Variants in SCML4 observed in about 807,000 individuals in gnomAD.
The protein encoded by SCML4 is sex comb on midleg-like protein 4.
In SCML4, 34 loss-of-function variants were observed where a neutral mutation model predicts 41.1. That is an observed-to-expected ratio of 0.83 (90% CI 0.63 to 1.10). The LOEUF is 1.10. Among genes scored for constraint, SCML4 ranks in the 50% least tolerant of loss-of-function variants. The pLI is 0.00. For missense variants in SCML4, 522 were observed against 534.1 expected (o/e 0.98, Z 0.22); for synonymous variants, 214 against 220.9 (o/e 0.97, Z 0.28).
intron 1 of SCML4, among the ~76,000 whole-genome samples, chr6:107,813,198 C>A (rs1044641048): frequency 1.5e-4 from 22 of 150,056 alleles, no homozygotes; most frequent in African/African-American, 4.9e-4. Context: ...CCCGTCTCTA[C>A]CAAAAATACA....
At chr6:107,767,749 G>A (rs765845170) in intron 2 of SCML4, among the ~76,000 whole-genome samples, 17 of 152,138 alleles carry the variant, frequency 1.1e-4, no homozygotes, top group Non-Finnish European at 2.5e-4. Context: ...CCAGCACTGC[G>A]TTTCCTAGCT....
intron 6 of SCML4, chr6:107,720,080 G>GT: frequency 1.0e-6 from 1 of 985,438 alleles, no homozygotes; most frequent in South Asian, 4.7e-5. Context: ...CTCTGCTCAT[G>GT]TATTTGTATC....
intron 2 of SCML4, among the ~76,000 whole-genome samples, chr6:107,756,687 G>C (rs1228110372): frequency 6.6e-6 from 1 of 152,140 alleles, no homozygotes; most frequent in African/African-American, 2.4e-5. Flanking sequence ...TGTTAAAAAT[G>C]GGGGGAAATC....
chr6:107,845,374 G>C, the SCML4 span, among the ~76,000 whole-genome samples: 3 of 152,226 alleles, frequency 2.0e-5, no homozygotes, highest in African/African-American at 7.2e-5. Flanking sequence ...AACATCACTG[G>C]AGCCTAGAGA....
At chr6:107,820,221 A>T (rs1784845401) in intron 1 of SCML4, among the ~76,000 whole-genome samples, 1 of 152,192 alleles carries the variant, frequency 6.6e-6, no homozygotes, top group Admixed American at 6.5e-5. Flanking sequence ...CAGCAATGCT[A>T]ACATTTGAAA....
chr6:107,727,434 A>C (rs1480993602), intron 5 of SCML4, among the ~76,000 whole-genome samples: 1 of 152,170 alleles, frequency 6.6e-6, no homozygotes, highest in Non-Finnish European at 1.5e-5. Flanking sequence ...TTTTTTTTAA[A>C]AGGCGTTTGC....
chr6:107,767,912 A>G (rs949313726), intron 2 of SCML4, among the ~76,000 whole-genome samples: 1 of 152,096 alleles, frequency 6.6e-6, no homozygotes, highest in African/African-American at 2.4e-5. Context: ...AAACAGTGGG[A>G]CAGTGGGACC....
At chr6:107,737,256 GGGATACCTTCTTC>G (rs1241138911) in intron 5 of SCML4, among the ~76,000 whole-genome samples, 1 of 152,184 alleles carries the variant, frequency 6.6e-6, no homozygotes, top group Non-Finnish European at 1.5e-5. Context: ...GGAGAACAGA[GGGATACCTTCTTC>G]GGATTGGGGA....
intron 6 of SCML4, among the ~76,000 whole-genome samples, chr6:107,717,547 T>G (rs949759571): frequency 1.3e-5 from 2 of 152,054 alleles, no homozygotes; most frequent in Non-Finnish European, 2.9e-5. Flanking sequence ...TAATATTTAT[T>G]TTTATTTATT....
rs1778117774 is a variant in SCML4, at chr6:107,746,625, T to C, written c.487+64A>G. The C allele has an allele frequency of 5.5e-6, 8 of 1,451,274 alleles. No homozygotes were observed. In the Admixed American group the frequency reaches 1.4e-4, roughly 25 times the overall value. The allele number at this position is 1,451,274 out of a possible 1,614,324, so 89.9% of individuals were successfully genotyped here. ...CACACCTGCTGTCTCCAGGCCTGAG[T>C]ATGGCTGCTTCCTCTGCAGAGAGAC... On this transcript the variant is annotated intron_variant, in intron 4 of 7. Transcript: ENST00000369020.
intron 1 of SCML4, among the ~76,000 whole-genome samples, chr6:107,823,517 T>C (rs1785098438): frequency 6.6e-6 from 1 of 152,160 alleles, no homozygotes; most frequent in South Asian, 2.1e-4. Context: ...AAAAAACGAA[T>C]TAAAACCAGA....
chr6:107,785,108 G>C (rs73525439), intron 1 of SCML4, among the ~76,000 whole-genome samples: 2,210 of 152,290 alleles, frequency 0.015, 51 homozygotes, highest in African/African-American at 0.051. Context: ...TGACAGACAC[G>C]CCTGGTTTAT....
At chr6:107,740,623 A>G (rs979571017) in intron 5 of SCML4, among the ~76,000 whole-genome samples, 1 of 152,250 alleles carries the variant, frequency 6.6e-6, no homozygotes, top group Admixed American at 6.5e-5. Flanking sequence ...GATCCTTTCC[A>G]CAGGGCAGTC....
At chr6:107,839,356 A>AGAAAGAAG in the SCML4 span, among the ~76,000 whole-genome samples, 4 of 88,288 alleles carry the variant, frequency 4.5e-5, no homozygotes, top group African/African-American at 1.8e-4. Context: ...AAAGAAAGAA[A>AGAAAGAAG]GAAAGAAAGA....
intron 5 of SCML4, among the ~76,000 whole-genome samples, chr6:107,729,320 T>C (rs1776303562): frequency 6.6e-6 from 1 of 152,176 alleles, no homozygotes; most frequent in South Asian, 2.1e-4. Context: ...CCAACAATCT[T>C]TGGAGTTCCT....
intron 1 of SCML4, among the ~76,000 whole-genome samples, chr6:107,803,098 T>C (rs868460018): frequency 4.5e-4 from 68 of 151,612 alleles, no homozygotes; most frequent in South Asian, 1.3e-3. Context: ...TCGCTACAAC[T>C]TCCACCTCCC....
At chr6:107,782,516 G>A (rs897485618) in intron 1 of SCML4, among the ~76,000 whole-genome samples, 1 of 152,254 alleles carries the variant, frequency 6.6e-6, no homozygotes, top group Non-Finnish European at 1.5e-5. Context: ...TTGCACGTGG[G>A]GCCCTGGGCT....
chr6:107,769,044 A>G (rs1780299679), intron 2 of SCML4, among the ~76,000 whole-genome samples: 1 of 152,214 alleles, frequency 6.6e-6, no homozygotes, highest in Admixed American at 6.5e-5. Context: ...TAAGGACCTC[A>G]ACCAATAGCA....
chr6:107,793,592 C>A lies in SCML4; in HGVS notation c.-59-21206G>T, dbSNP rs1782499684. On this transcript the variant is annotated intron_variant, in intron 1 of 7. Coordinates refer to ENST00000369020, the MANE Select transcript of SCML4 (RefSeq NM_198081.5). Reference sequence around the variant, plus strand: ...TTTATAAGGTGAGAGTTGCTCTTTTCTTCCTGAGGCAGATCCTAAACTCTA... The same window carrying A: ...TTTATAAGGTGAGAGTTGCTCTTTTATTCCTGAGGCAGATCCTAAACTCTA... 2.0e-5 allele frequency among the ~76,000 whole-genome samples: 3 copies of A among 152,214 alleles called. No homozygotes were observed. In the South Asian group the frequency reaches 6.2e-4, roughly 32 times the overall value.
Sources: allele counts gnomAD v4.1 joint callset (sites outside exome capture counted in the v4.1 genomes callset), GRCh38; gene constraint gnomAD v4.1.1; transcripts MANE v1.5; gene names NCBI Gene and HGNC (gene_info 2026-07-23, HGNC 2026-07-21).